ANKRD31: variants seen among roughly 807,000 people sequenced by gnomAD.
The protein encoded by ANKRD31 is ankyrin repeat domain 31.
A neutral mutation model predicts 186.0 loss-of-function variants in ANKRD31; 147 were observed. The ratio of observed to expected loss-of-function variants is 0.79; its 90% confidence interval spans 0.69 to 0.91. The LOEUF is 0.91. ANKRD31 is among the 40% of genes least tolerant of loss of function. The probability of loss-of-function intolerance (pLI) is 0.00; values close to 1 mark genes in which losing one functional copy is unlikely to be tolerated. For synonymous variants in ANKRD31, 673 were observed against 736.4 expected, an observed-to-expected ratio of 0.91 and a Z score of 1.39; for missense variants, 1,986 against 2,148.8, an observed-to-expected ratio of 0.92 and a Z score of 1.50.
At chr5:75,130,731 G>C (rs1749725472) in intron 17 of ANKRD31, among the ~76,000 whole-genome samples, 1 of 152,160 alleles carries the variant, frequency 6.6e-6, no homozygotes. Context: ...AGACAGAAAA[G>C]TTCTCCGGGT....
intron 10 of ANKRD31, among the ~76,000 whole-genome samples, chr5:75,169,857 T>G (rs1367786383): frequency 6.6e-6 from 1 of 152,164 alleles, no homozygotes; most frequent in Non-Finnish European, 1.5e-5. Context: ...CCAGCATCCC[T>G]GGCCTCAACC....
intron 10 of ANKRD31, among the ~76,000 whole-genome samples, chr5:75,175,208 A>C (rs1443360779): frequency 2.0e-5 from 3 of 152,196 alleles, no homozygotes; most frequent in Non-Finnish European, 1.5e-5. Context: ...GGCGGGGAAC[A>C]TCACACACTG....
At chr5:75,155,485 A>G (rs1344187275) in intron 11 of ANKRD31, among the ~76,000 whole-genome samples, 1 of 152,158 alleles carries the variant, frequency 6.6e-6, no homozygotes, top group East Asian at 1.9e-4. Context: ...CCAGTACCCT[A>G]TTAATGAATG....
intron 22 of ANKRD31, among the ~76,000 whole-genome samples, chr5:75,096,645 C>G (rs1415862738): frequency 6.6e-6 from 1 of 151,710 alleles, no homozygotes; most frequent in Non-Finnish European, 1.5e-5. Flanking sequence ...ATATTTAAGT[C>G]TTTAATCCAC....
At chr5:75,132,589 T>G (rs1355980998) in intron 17 of ANKRD31, among the ~76,000 whole-genome samples, 1 of 152,144 alleles carries the variant, frequency 6.6e-6, no homozygotes, top group African/African-American at 2.4e-5. Flanking sequence ...TGGAAAACAC[T>G]CTGCAGGATA....
intron 1 of ANKRD31, 30 bp from the exon 2 acceptor site, chr5:75,230,665 T>C (rs1424463598): frequency 3.8e-5 from 21 of 549,670 alleles, no homozygotes; most frequent in Non-Finnish European, 4.6e-5. Context: ...AAGGCACAAG[T>C]TGTTAATGTG....
At position 75,195,671 on chromosome 5, in the gene ANKRD31, T is replaced by C. The variant is rs1312032388; in HGVS notation, c.977A>G (p.Asn326Ser). 1.9e-5 allele frequency: 29 copies of C among 1,536,478 alleles called. No homozygotes were observed. Among genetic ancestry groups the C allele is most frequent in the East Asian group, 1.7e-4 (7 of 40,924 alleles). The change falls in exon 7 of 26, where the codon AAT becomes AGT. Residue 326 changes from asparagine to serine, a missense_variant. Coordinates refer to ENST00000506364, the MANE Select transcript of ANKRD31 (RefSeq NM_001372053.1). ...ACAATCTTCATTGGTCTGAGACGTA[T>C]TGAACTCCACTTCTAAACATTCATT... ...ARNECLEVEFNTSQTNEDCTQ... is the reference protein window; with the variant it reads ...ARNECLEVEFSTSQTNEDCTQ...
chr5:75,091,080 T>C (rs112964182), intron 23 of ANKRD31, among the ~76,000 whole-genome samples, 181 bp downstream of exon 23: 2 of 152,206 alleles, frequency 1.3e-5, no homozygotes, highest in African/African-American at 2.4e-5. Flanking sequence ...TGGGAGAAAG[T>C]GATGTGTTCA....
At chr5:75,116,288 T>A (rs961625360) in intron 19 of ANKRD31, among the ~76,000 whole-genome samples, 1 of 147,274 alleles carries the variant, frequency 6.8e-6, no homozygotes, top group Admixed American at 6.7e-5. Context: ...AGGGATAGCA[T>A]TGGGAGATAC....
At chr5:75,103,243 A>G (rs1747055123) in intron 22 of ANKRD31, among the ~76,000 whole-genome samples, 1 of 152,224 alleles carries the variant, frequency 6.6e-6, no homozygotes, top group Admixed American at 6.5e-5. Context: ...CAAAGATATG[A>G]AAAAAAGCTC....
chr5:75,132,843 G>C (rs191318499), intron 17 of ANKRD31, among the ~76,000 whole-genome samples: 3 of 152,168 alleles, frequency 2.0e-5, no homozygotes, highest in African/African-American at 7.2e-5. Context: ...CAAGCCAGAA[G>C]AGAGTGGGGG....
chr5:75,142,121 T>C (rs999566357), intron 15 of ANKRD31, among the ~76,000 whole-genome samples: 3 of 152,188 alleles, frequency 2.0e-5, no homozygotes, highest in South Asian at 2.1e-4. Flanking sequence ...CTCTCCATTA[T>C]GTGACCAGTT....
chr5:75,171,672 A>G (rs1753334817), intron 10 of ANKRD31, among the ~76,000 whole-genome samples: 1 of 151,836 alleles, frequency 6.6e-6, no homozygotes, highest in Non-Finnish European at 1.5e-5. Flanking sequence ...CTTGAAAAAA[A>G]TCAATAAAAT....
chr5:75,213,149 G>A (rs1329936531), intron 3 of ANKRD31, among the ~76,000 whole-genome samples: 3 of 152,082 alleles, frequency 2.0e-5, no homozygotes, highest in African/African-American at 7.2e-5. Flanking sequence ...AGAGCTCAGA[G>A]GCCAAAGATA....
intron 17 of ANKRD31, among the ~76,000 whole-genome samples, chr5:75,128,670 A>ATT (rs11334083): frequency 1.5e-4 from 21 of 138,216 alleles, no homozygotes; most frequent in African/African-American, 3.0e-4. Flanking sequence ...TTCCCAGCTA[A>ATT]TTTTTTTTTT....
chr5:75,199,832 T>C (rs996097825), intron 5 of ANKRD31, among the ~76,000 whole-genome samples, 158 bp from the exon 6 acceptor site: 6 of 152,120 alleles, frequency 3.9e-5, no homozygotes, highest in Non-Finnish European at 8.8e-5. Flanking sequence ...TATAAAAGTA[T>C]TATTTTGGAA....
chr5:75,137,784 T>TA (rs1304109936), intron 17 of ANKRD31, 72 bp downstream of exon 17: 4 of 1,285,032 alleles, frequency 3.1e-6, no homozygotes, highest in African/African-American at 1.5e-5. Context: ...GTTCTCAGTT[T>TA]AAAAAATCTT....
At chr5:75,071,767 G>A (rs921384724) in intron 25 of ANKRD31, among the ~76,000 whole-genome samples, 12 of 152,014 alleles carry the variant, frequency 7.9e-5, no homozygotes, top group South Asian at 4.1e-4. Flanking sequence ...CAAAGTGCTC[G>A]GATTACAGGT....
At position 75,146,742 on chromosome 5, in the gene ANKRD31, A is replaced by G. The variant is rs1031353762; in HGVS notation, c.2669T>C (p.Phe890Ser). ...DERFNKWENS[F>S]LSFVKENSDN... is the part of the protein sequence containing the mutation. The stretch of plus-strand genomic sequence containing the variant: ...AGAATTTTCCTTTACAAAGGATAGG[A>G]AAGAATTTTCCCATTTGTTAAATCT... The change falls in exon 14 of 26, where the codon TTC (phenylalanine) becomes TCC (serine). Residue 890 changes from phenylalanine (F) to serine (S), a missense_variant. Transcript: ENST00000506364. The G allele has an allele frequency of 1.3e-6, 2 of 1,536,342 alleles. No homozygotes were observed. The highest frequency in any genetic ancestry group is 1.7e-6 in the Non-Finnish European group (2 of 1,146,336).
Sources: gnomAD v4.1 joint callset for allele counts (sites outside exome capture counted in the v4.1 genomes callset) on GRCh38, gnomAD v4.1.1 for gene constraint, MANE v1.5 for transcripts, NCBI Gene and HGNC (gene_info 2026-07-23, HGNC 2026-07-21) for gene names.